PTPRN2: variants seen among roughly 807,000 people sequenced by gnomAD.
PTPRN2 encodes protein tyrosine phosphatase receptor type N2.
PTPRN2 carries 74 observed loss-of-function variants against 118.8 expected under a neutral mutation model. That is an observed-to-expected ratio of 0.62 (90% confidence interval 0.52 to 0.76). The LOEUF (loss-of-function observed/expected upper bound fraction) is 0.76. Among genes scored for constraint, PTPRN2 ranks in the 30% least tolerant of loss-of-function variants. PTPRN2 has a pLI of 0.00. For synonymous variants in PTPRN2, 641 were observed against 608.0 expected (o/e 1.05, Z -0.80); for missense variants, 1,481 against 1,394.4 (o/e 1.06, Z -0.99).
At chr7:157,968,256 T>C (rs1035655719) in intron 11 of PTPRN2, among the ~76,000 whole-genome samples, 1 of 152,068 alleles carries the variant, frequency 6.6e-6, no homozygotes, top group Non-Finnish European at 1.5e-5. Flanking sequence ...GACCAGGCCT[T>C]CTCTCCAAAC....
At chr7:157,551,021 A>G (rs932102670) in intron 21 of PTPRN2, among the ~76,000 whole-genome samples, 32 of 152,300 alleles carry the variant, frequency 2.1e-4, no homozygotes, top group African/African-American at 7.0e-4. Flanking sequence ...GTGGCGGCCA[A>G]GGAAGCCGCT....
At position 158,282,980 on chromosome 7, in the gene PTPRN2, C is replaced by T. The variant is rs148022529; in HGVS notation, c.277+33839G>A. Among the ~76,000 whole-genome samples, 653 of 149,694 alleles carry T rather than the reference C, an allele frequency of 4.4e-3. 2 individuals are homozygous for T. The highest frequency in any genetic ancestry group is 0.011 in the Middle Eastern group (3 of 278). On this transcript the variant is annotated intron_variant, in intron 3 of 22. Coordinates refer to ENST00000389418, the MANE Select transcript of PTPRN2 (RefSeq NM_002847.5). ...ACGCAGCAGCAGGACATAGACGGCT[C>T]GTCCCTCCTCATGCTCCCACACGCA...
At chr7:158,342,656 T>C (rs778354851) in intron 2 of PTPRN2, among the ~76,000 whole-genome samples, 1 of 152,198 alleles carries the variant, frequency 6.6e-6, no homozygotes, top group Non-Finnish European at 1.5e-5. Flanking sequence ...AGTCAGTCCT[T>C]ATGATAACCC....
intron 11 of PTPRN2, among the ~76,000 whole-genome samples, chr7:158,067,664 C>T (rs1385272801): frequency 2.6e-5 from 4 of 152,082 alleles, no homozygotes; most frequent in African/African-American, 9.7e-5. Context: ...CGCAGCTCTG[C>T]CTGTGGCGAA....
At position 158,548,884 on chromosome 7, in the gene PTPRN2, G is replaced by A. The variant is rs942170625; in HGVS notation, c.112+38674C>T. Among the ~76,000 whole-genome samples the A allele has an allele frequency of 5.9e-5, 9 of 152,312 alleles. No individual in the cohort carries two copies. In the East Asian group the frequency reaches 9.7e-4, roughly 16 times the overall value. The stretch of plus-strand genomic sequence containing the variant: ...CACAACTCCACAAAGGAGAGGAACC[G>A]CAGTCCGTGCCAACAGCCTTTCCCA... On this transcript the variant is annotated intron_variant, in intron 1 of 22. Coordinates refer to ENST00000389418, the MANE Select transcript of PTPRN2 (RefSeq NM_002847.5).
chr7:158,329,448 C>T (rs368261116), intron 2 of PTPRN2, among the ~76,000 whole-genome samples: 176 of 152,294 alleles, frequency 1.2e-3, no homozygotes, highest in African/African-American at 3.9e-3. Flanking sequence ...AGCAGGCGGA[C>T]GGCTGAGAGG....
At chr7:157,886,466 A>G (rs957028664) in intron 12 of PTPRN2, among the ~76,000 whole-genome samples, 2 of 152,164 alleles carry the variant, frequency 1.3e-5, no homozygotes, top group African/African-American at 4.8e-5. Context: ...ATTGAATAAA[A>G]ATTGAATGTG....
At position 158,585,111 on chromosome 7, in the gene PTPRN2, C is replaced by T. The variant is rs73730449; in HGVS notation, c.112+2447G>A. Among the ~76,000 whole-genome samples, 373 of 152,274 alleles carry T rather than the reference C, an allele frequency of 2.4e-3. 1 individual carries two copies. The highest frequency in any genetic ancestry group is 8.2e-3 in the African/African-American group (342 of 41,552). ...TCATTATTTGGAACAATGTAGTTGG[C>T]GTGACCATTGCCAAACAAGATCCAG... On this transcript the variant is annotated intron_variant, in intron 1 of 22. Transcript: ENST00000389418.
Position 157,590,047 on chromosome 7 carries a change from G to C in PTPRN2, c.2496+5191C>G, listed in dbSNP as rs188285743. On this transcript the variant is annotated intron_variant, in intron 17 of 22. Coordinates refer to ENST00000389418, the MANE Select transcript of PTPRN2 (RefSeq NM_002847.5). The surrounding 1 kb of genome is among the most constrained non-coding windows in gnomAD (Gnocchi z 4.0). ...CAGCACCCTTTTTGAATTTATGATTGCAGAAGGAACATCATATTCCAGATA... is the reference window on the plus strand; with the variant it reads ...CAGCACCCTTTTTGAATTTATGATTCCAGAAGGAACATCATATTCCAGATA... Among the ~76,000 whole-genome samples the C allele has an allele frequency of 2.6e-3, 403 of 152,284 alleles. 3 individuals are homozygous for C. The highest frequency in any genetic ancestry group is 9.2e-3 in the African/African-American group (383 of 41,540).
At chr7:157,746,970 G>A (rs1290116816) in intron 12 of PTPRN2, among the ~76,000 whole-genome samples, 2 of 151,392 alleles carry the variant, frequency 1.3e-5, no homozygotes, top group East Asian at 4.0e-4. Context: ...GCGTCTCTCA[G>A]CTGTGGGCTG....
intron 6 of PTPRN2, among the ~76,000 whole-genome samples, chr7:158,164,650 G>A (rs1027306849): frequency 6.6e-6 from 1 of 152,172 alleles, no homozygotes; most frequent in Non-Finnish European, 1.5e-5. Context: ...TGATGGGGGC[G>A]ACGATGTTTA....
chr7:157,598,615 C>T lies in PTPRN2; in HGVS notation c.2419-3300G>A, dbSNP rs147337770. On this transcript the variant is annotated intron_variant, in intron 16 of 22. Transcript: ENST00000389418. The surrounding 1 kb of genome is among the most constrained non-coding windows in gnomAD (Gnocchi z 5.2). ...CTGGATTCCAGTGCACGTGCATGTG[C>T]AGACTCGTCTGTGTGTATGTGTGTG... Among the ~76,000 whole-genome samples, 471 of 152,364 alleles carry T rather than the reference C, an allele frequency of 3.1e-3. 6 individuals are homozygous for T. Among genetic ancestry groups the T allele is most frequent in the African/African-American group, 0.01 (436 of 41,574 alleles).
At chr7:158,147,586 G>A (rs1333028905) in intron 6 of PTPRN2, among the ~76,000 whole-genome samples, 84 of 103,296 alleles carry the variant, frequency 8.1e-4, no homozygotes, top group Admixed American at 1.2e-3. Context: ...CACGCCACGT[G>A]TCTTTCCCCC....
intron 12 of PTPRN2, among the ~76,000 whole-genome samples, chr7:157,766,360 A>AC (rs201385330): frequency 0.024 from 3,626 of 149,972 alleles, 73 homozygotes; most frequent in African/African-American, 0.054. Flanking sequence ...TCATCCATCT[A>AC]CCCATCCATC....
intron 1 of PTPRN2, among the ~76,000 whole-genome samples, chr7:158,571,762 T>A (rs967853544): frequency 6.6e-6 from 1 of 151,672 alleles, no homozygotes; most frequent in Non-Finnish European, 1.5e-5. Context: ...TCCAAAAAAA[T>A]AAAAACCAAT....
At chr7:157,643,497 G>A (rs1804832943) in intron 14 of PTPRN2, among the ~76,000 whole-genome samples, 1 of 152,266 alleles carries the variant, frequency 6.6e-6, no homozygotes, top group African/African-American at 2.4e-5. Context: ...GGGGCACTGT[G>A]GCGGAGGTGT....
chr7:158,537,333 G>A lies in PTPRN2; in HGVS notation c.113-47548C>T, dbSNP rs1033226782. On this transcript the variant is annotated intron_variant, in intron 1 of 22. Coordinates refer to ENST00000389418, the MANE Select transcript of PTPRN2 (RefSeq NM_002847.5). ...GGTCAGGCATAAGGAACCACAGGAA[G>A]AGGCTCTCTAGTTCAGCAGTAATGT... Among the ~76,000 whole-genome samples the A allele has an allele frequency of 3.9e-5, 6 of 152,244 alleles. No individual in the cohort carries two copies. In the South Asian group the frequency reaches 6.2e-4, roughly 16 times the overall value.
chr7:158,307,034 T>G (rs1442539498), intron 3 of PTPRN2, among the ~76,000 whole-genome samples: 2 of 152,064 alleles, frequency 1.3e-5, no homozygotes, highest in Non-Finnish European at 2.9e-5. Flanking sequence ...GCCCAGCTAA[T>G]TTTTGTATTT....
intron 2 of PTPRN2, among the ~76,000 whole-genome samples, chr7:158,369,123 G>T (rs900489174): frequency 2.6e-5 from 4 of 151,996 alleles, no homozygotes; most frequent in Non-Finnish European, 5.9e-5. Context: ...TCCCATGCTG[G>T]ATGCTTCTTG....
Sources: gnomAD v4.1 joint callset for allele counts (sites outside exome capture counted in the v4.1 genomes callset) on GRCh38, gnomAD v4.1.1 for gene constraint, Gnocchi (gnomAD v3.1) non-coding constraint, MANE v1.5 for transcripts, NCBI Gene and HGNC (gene_info 2026-07-23, HGNC 2026-07-21) for gene names.